The following RNF220 variants were observed in gnomAD, a reference collection of about 807,000 sequenced individuals.
The protein encoded by RNF220 is ring finger protein 220, also known as E3 ubiquitin-protein ligase RNF220.
In RNF220, 7 loss-of-function variants were observed where a neutral mutation model predicts 67.1. The ratio of observed to expected loss-of-function variants is 0.10; its 90% CI spans 0.06 to 0.20. The LOEUF (loss-of-function observed/expected upper bound fraction) is 0.20, where lower values mean the gene tolerates loss of function less well. RNF220 is among the 10% of genes least tolerant of loss of function. The pLI is 1.00. For synonymous variants in RNF220, 270 were observed against 283.2 expected (o/e 0.95, Z 0.47); for missense variants, 565 against 740.3 (o/e 0.76, Z 2.75).
At chr1:44,457,202 A>G (rs901511642) in intron 2 of RNF220, among the ~76,000 whole-genome samples, 1 of 152,104 alleles carries the variant, frequency 6.6e-6, no homozygotes, top group African/African-American at 2.4e-5. Context: ...ACAAATGAAC[A>G]CACAAATAAA....
At chr1:44,465,430 C>A (rs1654185276) in intron 2 of RNF220, among the ~76,000 whole-genome samples, 1 of 138,644 alleles carries the variant, frequency 7.2e-6, no homozygotes. Context: ...TTAGATAAAT[C>A]CATGTGCCAT....
At chr1:44,486,919 G>T (rs557978215) in intron 2 of RNF220, among the ~76,000 whole-genome samples, 1 of 152,296 alleles carries the variant, frequency 6.6e-6, no homozygotes, top group African/African-American at 2.4e-5. Flanking sequence ...CATGCAAAAA[G>T]CCTAGAACAA....
intron 3 of RNF220, among the ~76,000 whole-genome samples, chr1:44,618,072 C>T (rs934368322): frequency 6.6e-6 from 1 of 152,178 alleles, no homozygotes; most frequent in African/African-American, 2.4e-5. Context: ...ACACGTCCCC[C>T]CTCCACTTGA....
intron 2 of RNF220, among the ~76,000 whole-genome samples, chr1:44,471,461 A>G (rs1395994582): frequency 6.6e-6 from 1 of 152,100 alleles, no homozygotes; most frequent in African/African-American, 2.4e-5. Context: ...AGTGGTTTTT[A>G]GTATAATCAC....
At chr1:44,482,491 G>C (rs1238394066) in intron 2 of RNF220, among the ~76,000 whole-genome samples, 1 of 152,206 alleles carries the variant, frequency 6.6e-6, no homozygotes, top group East Asian at 1.9e-4. Flanking sequence ...GCAATGAATA[G>C]CTTCAGTGGA....
intron 2 of RNF220, among the ~76,000 whole-genome samples, chr1:44,494,551 G>C (rs1428287848): frequency 6.6e-6 from 1 of 151,442 alleles, no homozygotes. Context: ...TGAGACAGCT[G>C]TTTAGATTAC....
intron 7 of RNF220, 135 bp from the exon 8 acceptor site, chr1:44,635,895 G>A: frequency 6.8e-7 from 1 of 1,465,656 alleles, no homozygotes; most frequent in Non-Finnish European, 9.3e-7. Context: ...AAATTGGTTT[G>A]CTTCAAAGGA....
chr1:44,460,550 G>T (rs1191720686), intron 2 of RNF220, among the ~76,000 whole-genome samples: 2 of 152,186 alleles, frequency 1.3e-5, no homozygotes, highest in Non-Finnish European at 2.9e-5. Context: ...GGTAAAATGG[G>T]AGATCGGAGA....
chr1:44,441,675 A>G (rs1286760965), intron 2 of RNF220, among the ~76,000 whole-genome samples: 1 of 152,220 alleles, frequency 6.6e-6, no homozygotes. Context: ...GCAGCTGGAA[A>G]CTTAGTGTAT....
intron 2 of RNF220, among the ~76,000 whole-genome samples, chr1:44,428,532 T>A (rs1184539349): frequency 1.3e-5 from 2 of 152,188 alleles, no homozygotes; most frequent in Non-Finnish European, 2.9e-5. Context: ...ACTCTTCTCC[T>A]AAATCTCAAC....
chr1:44,531,669 A>G (rs1020116351), intron 2 of RNF220, among the ~76,000 whole-genome samples: 1 of 152,192 alleles, frequency 6.6e-6, no homozygotes, highest in African/African-American at 2.4e-5. Context: ...AACAGGAGAA[A>G]GACAGCCCCC....
intron 2 of RNF220, among the ~76,000 whole-genome samples, chr1:44,543,039 A>C (rs1661802536): frequency 6.6e-6 from 1 of 152,132 alleles, no homozygotes; most frequent in South Asian, 2.1e-4. Context: ...CCGGCTGGCC[A>C]AGGCTCTGCC....
intron 2 of RNF220, among the ~76,000 whole-genome samples, chr1:44,575,551 G>A (rs1380926997): frequency 3.9e-5 from 6 of 152,144 alleles, no homozygotes; most frequent in Admixed American, 1.3e-4. Flanking sequence ...ATGAAAAAAT[G>A]CTGAGCATCA....
chr1:44,546,064 A>G (rs1662115550), intron 2 of RNF220, among the ~76,000 whole-genome samples: 3 of 152,208 alleles, frequency 2.0e-5, no homozygotes, highest in Non-Finnish European at 1.5e-5. Flanking sequence ...TCACCAGACC[A>G]TAGAACCAAA....
intron 2 of RNF220, among the ~76,000 whole-genome samples, chr1:44,502,990 T>G (rs1358592862): frequency 6.6e-6 from 1 of 152,074 alleles, no homozygotes; most frequent in African/African-American, 2.4e-5. Context: ...CAGGCTGCAT[T>G]TTTTAAGATT....
intron 8 of RNF220, among the ~76,000 whole-genome samples, chr1:44,639,179 C>G (rs879938307): frequency 6.6e-6 from 1 of 152,230 alleles, no homozygotes; most frequent in Non-Finnish European, 1.5e-5. Context: ...CCTAACTATA[C>G]AGCCCTTAAG....
intron 2 of RNF220, among the ~76,000 whole-genome samples, chr1:44,517,782 G>A (rs1331184194): frequency 1.3e-5 from 2 of 152,218 alleles, no homozygotes; most frequent in East Asian, 3.9e-4. Context: ...TAAATTAAAT[G>A]TGTTCAGGAT....
chr1:44,596,936 A>G (rs1354638105), intron 2 of RNF220, among the ~76,000 whole-genome samples: 1 of 152,238 alleles, frequency 6.6e-6, no homozygotes, highest in Non-Finnish European at 1.5e-5. Context: ...AATTGGTTCT[A>G]ATAATTAATA....
chr1:44,460,902 C>T (rs1653700177), intron 2 of RNF220, among the ~76,000 whole-genome samples: 1 of 152,202 alleles, frequency 6.6e-6, no homozygotes, highest in Non-Finnish European at 1.5e-5. Context: ...TCTGAGGGGT[C>T]TGCCGCTGCT....
Sources: allele counts gnomAD v4.1 joint callset (sites outside exome capture counted in the v4.1 genomes callset), GRCh38; gene constraint gnomAD v4.1.1; transcripts MANE v1.5; gene names NCBI Gene and HGNC (gene_info 2026-07-23, HGNC 2026-07-21).